The following B3GNT3 variants were observed in gnomAD, a reference collection of about 807,000 sequenced individuals.
B3GNT3 encodes the protein UDP-GlcNAc:betaGal beta-1,3-N-acetylglucosaminyltransferase 3.
B3GNT3 carries 7 observed loss-of-function variants against 11.6 expected under a neutral mutation model. The observed-to-expected ratio is 0.60, with a 90% CI of 0.34 to 1.13. The LOEUF is 1.13. B3GNT3 is among the 50% of genes most tolerant of loss of function. The pLI is 0.03. For synonymous variants in B3GNT3, 201 were observed against 222.1 expected (o/e 0.90, Z 0.85); for missense variants, 400 against 507.4 (o/e 0.79, Z 2.03).
chr19:17,812,137 C>A lies in B3GNT3; in HGVS notation c.*15C>A, dbSNP rs763876571. On this transcript the variant is annotated 3_prime_UTR_variant, in exon 3 of 3. Transcript: ENST00000318683. ...AGATCTACTGAGTCAGCATCAGGGT[C>A]CCCAGCCTCTGGGCTCCTGTTTCCA... is the stretch of plus-strand genomic sequence containing the variant. The A allele has an allele frequency of 1.9e-6, 3 of 1,569,670 alleles. No homozygotes were observed. The Admixed American group carries it at 5.3e-5, about 28-fold the overall frequency.
chr19:17,812,139 C>A lies in B3GNT3; in HGVS notation c.*17C>A. On this transcript the variant is annotated 3_prime_UTR_variant, in exon 3 of 3. Transcript: ENST00000318683. ...ATCTACTGAGTCAGCATCAGGGTCC[C>A]CAGCCTCTGGGCTCCTGTTTCCATA... 6.4e-7 allele frequency: 1 copy of A among 1,568,008 alleles called. No homozygotes were observed. Among genetic ancestry groups the A allele is most frequent in the Non-Finnish European group, 8.6e-7 (1 of 1,164,636 alleles).
intron 2 of B3GNT3, among the ~76,000 whole-genome samples, chr19:17,809,666 C>T (rs2094178124): frequency 6.6e-6 from 1 of 151,858 alleles, no homozygotes; most frequent in Non-Finnish European, 1.5e-5. Context: ...CCAGGCTGGT[C>T]TCAAACTCCT....
At position 17,811,926 on chromosome 19, in the gene B3GNT3, G is replaced by A. The variant is rs2094181414; in HGVS notation, c.923G>A (p.Gly308Glu). 6.2e-7 allele frequency: 1 copy of A among 1,612,926 alleles called. No individual in the cohort carries two copies. The highest frequency in any genetic ancestry group is 8.5e-7 in the Non-Finnish European group (1 of 1,180,038). The change falls in exon 3 of 3, where the codon GGA (glycine) becomes GAA (glutamate). Residue 308 changes from glycine to glutamate, a missense_variant. By Grantham distance (98) the Gly-to-Glu change is moderately conservative. Transcript: ENST00000318683. The surrounding 1 kb of genome is among the most constrained non-coding windows in gnomAD (Gnocchi z 4.1). ...VFLGMCLELE[G>E]LKPASHSGIR... Reference sequence around the variant, plus strand: ...CTGGGTATGTGTCTGGAGCTTGAGGGACTGAAGCCTGCCTCCCACAGCGGC... The same window carrying A: ...CTGGGTATGTGTCTGGAGCTTGAGGAACTGAAGCCTGCCTCCCACAGCGGC...
Position 17,806,971 on chromosome 19 carries a change from G to C in B3GNT3, c.-50-787G>C, listed in dbSNP as rs556922586. On this transcript the variant is annotated intron_variant, in intron 1 of 2. Transcript: ENST00000318683. Reference sequence around the variant, plus strand: ...AAAAAAAAAAAAAAAAAAAGTCCTGGGTTCTGATACTGCTCCATGCTGTAA... The same window carrying C: ...AAAAAAAAAAAAAAAAAAAGTCCTGCGTTCTGATACTGCTCCATGCTGTAA... Among the ~76,000 whole-genome samples, 67 of 151,000 alleles carry C rather than the reference G, an allele frequency of 4.4e-4. 1 individual carries two copies. The South Asian group carries it at 0.014, about 32-fold the overall frequency.
intron 1 of B3GNT3, among the ~76,000 whole-genome samples, chr19:17,803,713 T>C (rs7245542): frequency 0.16 from 24,142 of 151,776 alleles, 2,438 homozygotes; most frequent in African/African-American, 0.28. Flanking sequence ...GCACCAGGCA[T>C]GGTGACTGGT....
rs1444976200 is a variant in B3GNT3, at chr19:17,812,198, G to A, written c.*76G>A. 3.5e-5 allele frequency: 51 copies of A among 1,452,600 alleles called. No individual in the cohort carries two copies. The highest frequency in any genetic ancestry group is 4.2e-5 in the Non-Finnish European group (46 of 1,098,434). The allele number at this position is 1,452,600 out of a possible 1,614,324, so 90.0% of individuals were successfully genotyped here. The stretch of plus-strand genomic sequence containing the variant: ...CGACACCTTCCTCCCAGGAAGCTGA[G>A]ACCTTTGTGGTCTGAGCATAAGGGA... On this transcript the variant is annotated 3_prime_UTR_variant, in exon 3 of 3. Coordinates refer to ENST00000318683, the MANE Select transcript of B3GNT3 (RefSeq NM_014256.4).
At chr19:17,805,996 C>T (rs2094172571) in intron 1 of B3GNT3, among the ~76,000 whole-genome samples, 1 of 151,972 alleles carries the variant, frequency 6.6e-6, no homozygotes. Flanking sequence ...GAGACAGAGT[C>T]TTTCTCTGTC....
At position 17,812,363 on chromosome 19, in the gene B3GNT3, TG is replaced by T; in HGVS notation, c.*242del. The T allele has an allele frequency of 2.0e-6, 1 of 506,614 alleles. No individual in the cohort carries two copies. The highest frequency in any genetic ancestry group is 3.5e-6 in the Non-Finnish European group (1 of 286,070). 31.4% of individuals were successfully genotyped at this position (506,614 alleles called of 1,614,324 possible). A position where few individuals can be genotyped will look rare whatever the true frequency, so the allele number is the denominator to read the frequency against. On this transcript the variant is annotated 3_prime_UTR_variant, in exon 3 of 3. Transcript: ENST00000318683. Reference sequence around the variant, plus strand: ...CTCCAGAAAATATCCATCTTCTTTTTGTGGCTGCTAATGGCAGAAGTGCCTG... The same window carrying T: ...CTCCAGAAAATATCCATCTTCTTTTTTGGCTGCTAATGGCAGAAGTGCCTG...
intron 1 of B3GNT3, among the ~76,000 whole-genome samples, chr19:17,797,520 G>A (rs546060566): frequency 6.6e-6 from 1 of 152,272 alleles, no homozygotes; most frequent in Admixed American, 6.5e-5. Context: ...CTGGGCCAGG[G>A]CTGGTGTTAT....
At chr19:17,797,438 G>A (rs959038719) in intron 1 of B3GNT3, among the ~76,000 whole-genome samples, 7 of 152,166 alleles carry the variant, frequency 4.6e-5, no homozygotes, top group African/African-American at 1.7e-4. Flanking sequence ...GTTGAACTGC[G>A]ATGCACGGCC....
At chr19:17,806,812 C>T (rs1009860717) in intron 1 of B3GNT3, among the ~76,000 whole-genome samples, 1 of 151,744 alleles carries the variant, frequency 6.6e-6, no homozygotes, top group Non-Finnish European at 1.5e-5. Flanking sequence ...ATTAACTGGG[C>T]GTGGTGGCGC....
chr19:17,807,132 G>GTGTGTGTGTGTGTGTGTGTA (rs2094174104), intron 1 of B3GNT3, among the ~76,000 whole-genome samples: 1 of 150,330 alleles, frequency 6.7e-6, no homozygotes, highest in Admixed American at 6.7e-5. Context: ...GTGTGTGTGT[G>GTGTGTGTGTGTGTGTGTGTA]TGTGTGTGTG....
chr19:17,805,225 G>T (rs2161488), intron 1 of B3GNT3, among the ~76,000 whole-genome samples: 2 of 150,640 alleles, frequency 1.3e-5, no homozygotes, highest in Admixed American at 1.3e-4. Context: ...TCAACCTCCC[G>T]CATAGCTAGG....
In B3GNT3 at chr19:17,808,481, C is replaced by A. The variant is rs1434696704; in HGVS notation, c.567+107C>A. On this transcript the variant is annotated intron_variant, in intron 2 of 2. Transcript: ENST00000318683. ...ACCAGAAGTCCTCGTCAGTCCATCACAGCCCATTCTGCCCCTCTGCTGTCC... is the reference window on the plus strand; with the variant it reads ...ACCAGAAGTCCTCGTCAGTCCATCAAAGCCCATTCTGCCCCTCTGCTGTCC... 80 of 1,187,372 alleles carry A rather than the reference C, an allele frequency of 6.7e-5. No individual in the cohort carries two copies. The Admixed American group carries it at 2.1e-3, about 32-fold the overall frequency. The allele number at this position is 1,187,372 out of a possible 1,614,324, so 73.6% of individuals were successfully genotyped here.
intron 2 of B3GNT3, among the ~76,000 whole-genome samples, chr19:17,808,885 C>G (rs1042604743): frequency 1.3e-5 from 2 of 151,878 alleles, no homozygotes; most frequent in Non-Finnish European, 2.9e-5. Flanking sequence ...TGTTGCCCAG[C>G]CTGGAGTGCA....
chr19:17,803,748 G>A (rs547058178), intron 1 of B3GNT3, among the ~76,000 whole-genome samples: 1 of 152,066 alleles, frequency 6.6e-6, no homozygotes. Flanking sequence ...CTACTCAAGA[G>A]GCTAAGGCAG....
intron 1 of B3GNT3, among the ~76,000 whole-genome samples, chr19:17,800,194 C>G (rs117350294): frequency 0.054 from 8,147 of 151,980 alleles, 263 homozygotes; most frequent in Middle Eastern, 0.075. Context: ...GGCCAACGCG[C>G]TGAAACCCCG....
In B3GNT3 at chr19:17,807,925, C is replaced by T; in HGVS notation, c.118C>T (p.Pro40Ser). ...SPPTCKVQEQ[P>S]PAIPEALAWP... ...ACCCACCTGCAAGGTCCAGGAGCAG[C>T]CACCGGCGATCCCCGAGGCCCTGGC... Residue 40 changes from proline to serine, a missense_variant, in exon 2 of 3, where the codon CCA becomes TCA. Pro to Ser is a moderately conservative substitution (Grantham distance 74). Transcript: ENST00000318683. 1 of 1,613,470 alleles carries T rather than the reference C, an allele frequency of 6.2e-7. No homozygotes were observed. The highest frequency in any genetic ancestry group is 2.2e-5 in the East Asian group (1 of 44,860).
chr19:17,803,848 A>C (rs1198438556), intron 1 of B3GNT3, among the ~76,000 whole-genome samples: 1 of 134,032 alleles, frequency 7.5e-6, no homozygotes, highest in African/African-American at 3.1e-5. Flanking sequence ...GTGAGATCCT[A>C]TCACTAAAAA....
Sources: gnomAD v4.1 joint callset for allele counts (sites outside exome capture counted in the v4.1 genomes callset) on GRCh38, gnomAD v4.1.1 for gene constraint, Gnocchi (gnomAD v3.1) non-coding constraint, MANE v1.5 for transcripts, NCBI Gene and HGNC (gene_info 2026-07-23, HGNC 2026-07-21) for gene names.